MAST4: variants seen among roughly 807,000 people sequenced by gnomAD.
MAST4 encodes microtubule associated serine/threonine kinase family member 4.
In MAST4, 89 loss-of-function variants were observed where a neutral mutation model predicts 162.7. The observed-to-expected ratio is 0.55, with a 90% confidence interval of 0.46 to 0.65. MAST4 has a LOEUF of 0.65. Among genes scored for constraint, MAST4 ranks in the 30% least tolerant of loss-of-function variants. The probability of loss-of-function intolerance (pLI) is 0.00; values close to 1 mark genes in which losing one functional copy is unlikely to be tolerated. For missense variants in MAST4, 3,153 were observed against 3,374.0 expected (o/e 0.93, Z 1.62); for synonymous variants, 1,479 against 1,361.1 (o/e 1.09, Z -1.91).
intron 5 of MAST4, among the ~76,000 whole-genome samples, chr5:67,087,811 G>A (rs2150775849): frequency 6.6e-6 from 1 of 152,274 alleles, no homozygotes; most frequent in East Asian, 1.9e-4. Context: ...AAACATCTGC[G>A]ATTAGTAAGA....
chr5:67,134,988 A>G (rs1009079975), intron 18 of MAST4, among the ~76,000 whole-genome samples: 6 of 152,192 alleles, frequency 3.9e-5, no homozygotes, highest in Non-Finnish European at 8.8e-5. Flanking sequence ...TTTACAGGCA[A>G]TTTAATTGCC....
At chr5:66,935,204 T>G (rs1398145736) in intron 4 of MAST4, among the ~76,000 whole-genome samples, 2 of 152,198 alleles carry the variant, frequency 1.3e-5, no homozygotes, top group Non-Finnish European at 2.9e-5. Context: ...CAGTAACGAT[T>G]CTTTGAATTC....
chr5:66,685,645 G>C (rs543746784), intron 1 of MAST4, among the ~76,000 whole-genome samples: 51 of 152,272 alleles, frequency 3.3e-4, no homozygotes, highest in African/African-American at 1.2e-3. Flanking sequence ...TTCACTATAA[G>C]TTTGTCCTTT....
chr5:66,951,598 ATGTGTG>A (rs59043309), intron 4 of MAST4, among the ~76,000 whole-genome samples: 12,627 of 122,240 alleles, frequency 0.1, 510 homozygotes, highest in Admixed American at 0.14. Flanking sequence ...CTCCCATGAT[ATGTGTG>A]TGTGTGTGTG....
intron 4 of MAST4, among the ~76,000 whole-genome samples, chr5:67,019,943 A>G (rs1409145470): frequency 6.6e-6 from 1 of 152,218 alleles, no homozygotes; most frequent in Non-Finnish European, 1.5e-5. Flanking sequence ...CTGGTAAACA[A>G]CAGAGATGGT....
At chr5:66,998,011 T>C (rs1272517419) in intron 4 of MAST4, among the ~76,000 whole-genome samples, 2 of 152,234 alleles carry the variant, frequency 1.3e-5, no homozygotes, top group Non-Finnish European at 2.9e-5. Flanking sequence ...TTTGGTACTT[T>C]GATGAAAACT....
chr5:66,739,617 A>G (rs970736001), intron 1 of MAST4, among the ~76,000 whole-genome samples: 1 of 152,172 alleles, frequency 6.6e-6, no homozygotes, highest in Non-Finnish European at 1.5e-5. Context: ...GTCAAGTATA[A>G]GTAGATGTTT....
At chr5:66,977,040 G>A (rs1259983236) in intron 4 of MAST4, among the ~76,000 whole-genome samples, 1 of 152,182 alleles carries the variant, frequency 6.6e-6, no homozygotes, top group African/African-American at 2.4e-5. Context: ...TTGGGGTGTA[G>A]GGTCAGCATC....
intron 2 of MAST4, among the ~76,000 whole-genome samples, chr5:66,785,349 A>G (rs1214469522): frequency 6.6e-6 from 1 of 152,176 alleles, no homozygotes; most frequent in African/African-American, 2.4e-5. Flanking sequence ...TATAAATAAT[A>G]TATGTTATTT....
At chr5:66,827,925 T>C (rs1282629242) in intron 3 of MAST4, among the ~76,000 whole-genome samples, 1 of 152,208 alleles carries the variant, frequency 6.6e-6, no homozygotes, top group African/African-American at 2.4e-5. Context: ...AATATTCATC[T>C]CTTGGTTGCT....
chr5:66,817,682 T>C (rs1756797077), intron 3 of MAST4, among the ~76,000 whole-genome samples: 1 of 152,212 alleles, frequency 6.6e-6, no homozygotes, highest in African/African-American at 2.4e-5. Flanking sequence ...TTATTTTATT[T>C]TATTAGGTGA....
intron 4 of MAST4, among the ~76,000 whole-genome samples, chr5:67,044,391 A>C (rs1757123690): frequency 6.6e-6 from 1 of 152,178 alleles, no homozygotes; most frequent in Non-Finnish European, 1.5e-5. Flanking sequence ...GTTGCAGATA[A>C]ATTGCACTAA....
intron 1 of MAST4, among the ~76,000 whole-genome samples, chr5:66,624,377 T>C (rs1188787356): frequency 6.6e-6 from 1 of 151,934 alleles, no homozygotes; most frequent in Non-Finnish European, 1.5e-5. Context: ...ATGGTCTCAA[T>C]CTCCTGACCT....
intron 1 of MAST4, among the ~76,000 whole-genome samples, chr5:66,660,554 A>G (rs1242357780): frequency 6.6e-6 from 1 of 152,230 alleles, no homozygotes; most frequent in African/African-American, 2.4e-5. Flanking sequence ...CTTAGAGAAC[A>G]TCTGTAAATA....
chr5:66,793,003 A>G (rs189757490), intron 3 of MAST4, among the ~76,000 whole-genome samples: 27 of 152,292 alleles, frequency 1.8e-4, no homozygotes, highest in Admixed American at 6.5e-4. Flanking sequence ...CCTCAACGTG[A>G]GAGGTATTAA....
At chr5:67,002,703 A>G (rs1751430491) in intron 4 of MAST4, among the ~76,000 whole-genome samples, 1 of 152,100 alleles carries the variant, frequency 6.6e-6, no homozygotes. Flanking sequence ...ATTTATGTAT[A>G]TCAGCCTCTT....
At chr5:66,661,584 C>T (rs1746913758) in intron 1 of MAST4, among the ~76,000 whole-genome samples, 1 of 152,112 alleles carries the variant, frequency 6.6e-6, no homozygotes, top group Non-Finnish European at 1.5e-5. Context: ...TGGTGACTGC[C>T]TATAGTATTT....
At chr5:67,061,218 T>C (rs1759544407) in intron 5 of MAST4, among the ~76,000 whole-genome samples, 1 of 152,192 alleles carries the variant, frequency 6.6e-6, no homozygotes, top group East Asian at 1.9e-4. Flanking sequence ...GAAACTTTTG[T>C]TCCCCCCTTA....
chr5:66,739,868 T>G (rs1390872047), intron 1 of MAST4, among the ~76,000 whole-genome samples: 1 of 146,216 alleles, frequency 6.8e-6, no homozygotes, highest in South Asian at 2.2e-4. Context: ...TTTTTCATCC[T>G]GCTTTTTGTA....
Sources: gnomAD v4.1 joint callset for allele counts (sites outside exome capture counted in the v4.1 genomes callset) on GRCh38, gnomAD v4.1.1 for gene constraint, MANE v1.5 for transcripts, NCBI Gene and HGNC (gene_info 2026-07-23, HGNC 2026-07-21) for gene names.